ANKS1B: variants seen among roughly 807,000 people sequenced by gnomAD.
The protein encoded by ANKS1B is ankyrin repeat and sterile alpha motif domain-containing protein 1B.
In ANKS1B, 36 loss-of-function variants were observed where a neutral mutation model predicts 148.3. The observed-to-expected ratio is 0.24, with a 90% confidence interval of 0.19 to 0.32. The LOEUF (loss-of-function observed/expected upper bound fraction) is 0.32, where lower values mean the gene tolerates loss of function less well. ANKS1B is among the 10% of genes least tolerant of loss of function. The pLI is 1.00. For missense variants in ANKS1B, 1,157 were observed against 1,542.6 expected (o/e 0.75, Z 4.19); for synonymous variants, 542 against 560.8 (o/e 0.97, Z 0.47).
At chr12:99,630,503 T>C (rs1423592013) in intron 9 of ANKS1B, among the ~76,000 whole-genome samples, 1 of 152,160 alleles carries the variant, frequency 6.6e-6, no homozygotes, top group Non-Finnish European at 1.5e-5. Flanking sequence ...AGTTGGTATA[T>C]TCACCTCTGC....
intron 9 of ANKS1B, among the ~76,000 whole-genome samples, chr12:99,591,857 T>G (rs2097706279): frequency 6.6e-6 from 1 of 152,188 alleles, no homozygotes; most frequent in Non-Finnish European, 1.5e-5. Flanking sequence ...TCTACATAAA[T>G]GGATATAGAC....
chr12:98,747,376 A>C (rs1040380740), intron 26 of ANKS1B, among the ~76,000 whole-genome samples: 2 of 152,256 alleles, frequency 1.3e-5, no homozygotes, highest in Admixed American at 1.3e-4. Flanking sequence ...CATCAGGGAC[A>C]TGCAAATGAC....
intron 12 of ANKS1B, among the ~76,000 whole-genome samples, chr12:99,290,425 G>A (rs1286350933): frequency 6.6e-6 from 1 of 151,870 alleles, no homozygotes; most frequent in African/African-American, 2.4e-5. Context: ...TATGAAGCCA[G>A]TATTATGCTG....
rs372213204 is a variant in ANKS1B at position 99,586,318 on chromosome 12, G to C, written c.1272+68749C>G. Among the ~76,000 whole-genome samples the C allele has an allele frequency of 1.9e-3, 287 of 152,310 alleles. 2 individuals carry two copies. The highest frequency in any genetic ancestry group is 6.7e-3 in the African/African-American group (278 of 41,566). On this transcript the variant is annotated intron_variant, in intron 9 of 26. Transcript: ENST00000683438. ...TGCCACCAGTCTCCTTGCATAGCAA[G>C]AGTGACCTTTACTCCAGTTCCCAAC...
chr12:99,826,954 T>C (rs1320640580), intron 1 of ANKS1B, among the ~76,000 whole-genome samples: 3 of 151,700 alleles, frequency 2.0e-5, no homozygotes, highest in African/African-American at 4.8e-5. Context: ...CTGCTAAAAA[T>C]AAAGAATAAA....
At chr12:99,281,774 G>A (rs978304603) in intron 12 of ANKS1B, among the ~76,000 whole-genome samples, 2 of 152,116 alleles carry the variant, frequency 1.3e-5, no homozygotes, top group African/African-American at 2.4e-5. Context: ...TTGAAAGTAG[G>A]CTGTCATAGG....
intron 16 of ANKS1B, among the ~76,000 whole-genome samples, chr12:99,060,990 C>A (rs1354111786): frequency 6.6e-6 from 1 of 151,960 alleles, no homozygotes; most frequent in African/African-American, 2.4e-5. Flanking sequence ...GATAAGGAAC[C>A]CTGAAAAGCC....
chr12:99,424,660 C>CA (rs1287953922), intron 11 of ANKS1B, among the ~76,000 whole-genome samples: 158 of 151,624 alleles, frequency 1.0e-3, no homozygotes, highest in African/African-American at 3.6e-3. Context: ...CACACACACA[C>CA]CCATAAGGAA....
At chr12:99,711,816 T>A (rs1266506684) in intron 8 of ANKS1B, among the ~76,000 whole-genome samples, 3 of 152,126 alleles carry the variant, frequency 2.0e-5, no homozygotes, top group Non-Finnish European at 4.4e-5. Flanking sequence ...AAGACAGAAA[T>A]ACAATTCAAC....
chr12:98,806,138 C>T (rs2099049345), intron 20 of ANKS1B, among the ~76,000 whole-genome samples: 2 of 152,344 alleles, frequency 1.3e-5, no homozygotes, highest in Middle Eastern at 3.4e-3. Flanking sequence ...TCCCAAAGTG[C>T]TGGGAATTAC....
chr12:98,748,132 G>A (rs903840959), intron 26 of ANKS1B, among the ~76,000 whole-genome samples: 4 of 152,094 alleles, frequency 2.6e-5, no homozygotes, highest in Non-Finnish European at 4.4e-5. Flanking sequence ...AAATATTTGA[G>A]GAGATGGATA....
chr12:99,485,864 T>C (rs1275601022), intron 10 of ANKS1B, among the ~76,000 whole-genome samples: 2 of 152,304 alleles, frequency 1.3e-5, no homozygotes, highest in East Asian at 3.9e-4. Flanking sequence ...GTATCTTTCA[T>C]TTCCAGAAGT....
At chr12:98,807,530 C>A (rs1022766164) in intron 20 of ANKS1B, among the ~76,000 whole-genome samples, 4 of 149,930 alleles carry the variant, frequency 2.7e-5, no homozygotes, top group Admixed American at 2.7e-4. Context: ...ATATATATAT[C>A]AATTTACCCT....
chr12:98,787,056 A>G (rs1386118863), intron 22 of ANKS1B, among the ~76,000 whole-genome samples: 2 of 152,220 alleles, frequency 1.3e-5, no homozygotes, highest in Non-Finnish European at 2.9e-5. Flanking sequence ...CTTAATTATT[A>G]TATTCCATTT....
At chr12:99,893,279 C>T (rs1195891523) in intron 1 of ANKS1B, among the ~76,000 whole-genome samples, 1 of 151,850 alleles carries the variant, frequency 6.6e-6, no homozygotes, top group Non-Finnish European at 1.5e-5. Flanking sequence ...GGTGTGGTGG[C>T]GGGAGCCTGT....
intron 25 of ANKS1B, among the ~76,000 whole-genome samples, chr12:98,753,917 T>G (rs2098162834): frequency 6.6e-6 from 1 of 152,150 alleles, no homozygotes; most frequent in African/African-American, 2.4e-5. Flanking sequence ...TGTTTGCGAT[T>G]GTTCGCATTT....
chr12:99,477,762 G>A (rs1387040545), intron 10 of ANKS1B, among the ~76,000 whole-genome samples: 1 of 152,096 alleles, frequency 6.6e-6, no homozygotes, highest in African/African-American at 2.4e-5. Flanking sequence ...AAACTTTTGA[G>A]AGTGAAAAGG....
In ANKS1B at chr12:99,504,386, A is replaced by T. The variant is rs1320624545; in HGVS notation, c.1438+90T>A. 7 of 1,318,900 alleles carry T rather than the reference A, an allele frequency of 5.3e-6. No individual in the cohort carries two copies. The African/African-American group carries it at 1.0e-4, about 20-fold the overall frequency. 81.7% of individuals were successfully genotyped at this position (1,318,900 alleles called of 1,614,324 possible). On this transcript the variant is annotated intron_variant, in intron 10 of 26. Transcript: ENST00000683438. ...CATTGGGGGAACTTTCATTTTGATA[A>T]CATAGTAGGAAACCAAAATGTTAAT...
intron 8 of ANKS1B, among the ~76,000 whole-genome samples, chr12:99,692,804 C>T (rs552253678): frequency 1.1e-4 from 16 of 152,070 alleles, no homozygotes; most frequent in African/African-American, 1.9e-4. Context: ...GTTGGAATGA[C>T]GGGATGGGGA....
Sources: allele counts gnomAD v4.1 joint callset (sites outside exome capture counted in the v4.1 genomes callset), GRCh38; gene constraint gnomAD v4.1.1; transcripts MANE v1.5; gene names NCBI Gene and HGNC (gene_info 2026-07-23, HGNC 2026-07-21).